The following PLK3 variants were observed in gnomAD, a reference collection of about 807,000 sequenced individuals.
PLK3 encodes serine/threonine-protein kinase PLK3.
In PLK3, 41 loss-of-function variants were observed where a neutral mutation model predicts 71.6. The ratio of observed to expected loss-of-function variants is 0.57; its 90% CI spans 0.45 to 0.74. The LOEUF (loss-of-function observed/expected upper bound fraction) is 0.74, where lower values mean the gene tolerates loss of function less well. Ranked by LOEUF, PLK3 falls within the 30% of genes least tolerant of loss-of-function variation. The pLI is 0.00. For missense variants in PLK3, 791 were observed against 875.6 expected, an observed-to-expected ratio of 0.90 and a Z score of 1.22; for synonymous variants, 366 against 355.4, an observed-to-expected ratio of 1.03 and a Z score of -0.33.
Position 44,800,834 on chromosome 1 carries a change from T to C in PLK3, c.211-6T>C. ...GAACAACCAGCCTGATGCCCCCTCT[T>C]CACAGGGGGGCTTCGCCCGCTGCTA... On this transcript the variant is annotated splice_polypyrimidine_tract_variant and splice_region_variant and intron_variant, in intron 1 of 14. Transcript: ENST00000372201. The surrounding 1 kb of genome is among the most constrained non-coding windows in gnomAD (Gnocchi z 6.5). 6.2e-7 allele frequency: 1 copy of C among 1,607,038 alleles called. No individual in the cohort carries two copies.
At position 44,801,095 on chromosome 1, in the gene PLK3, G is replaced by A. The variant is rs1381521769; in HGVS notation, c.378G>A (p.Ser126=). 5.0e-6 allele frequency: 8 copies of A among 1,613,416 alleles called. No individual in the cohort carries two copies. The highest frequency in any genetic ancestry group is 1.7e-5 in the Admixed American group (1 of 59,940). ...DLQHRHIVRF[S]HHFEDADNIY... is the part of the protein sequence containing the mutation. ...AGCACCGCCACATCGTGCGTTTTTC[G>A]CACCACTTTGAGGACGCTGACAACA... The change falls in exon 3 of 15, where the codon TCG becomes TCA. Residue 126 remains serine (S), a synonymous_variant. Transcript: ENST00000372201.
In PLK3 at chr1:44,803,727, AC is replaced by A; in HGVS notation, c.1164+41del. ...CAGGTGGACACTGTTCCCCTGACTC[AC>A]CCCCACCCTAGCAGCTGAGGGAAGC... On this transcript the variant is annotated intron_variant, in intron 9 of 14. Transcript: ENST00000372201. This position sits in a 1 kb window ranked among gnomAD's most constrained non-coding sequence, Gnocchi z 4.3. 2.0e-6 allele frequency: 3 copies of A among 1,487,780 alleles called. No individual in the cohort carries two copies. The highest frequency in any genetic ancestry group is 2.8e-6 in the Non-Finnish European group (3 of 1,073,180). The allele number at this position is 1,487,780 out of a possible 1,614,324, so 92.2% of individuals were successfully genotyped here. A position where few individuals can be genotyped will look rare whatever the true frequency, so the allele number is the denominator to read the frequency against.
At position 44,802,970 on chromosome 1, in the gene PLK3, CG is replaced by C; in HGVS notation, c.768del (p.Ser257AlafsTer9). 6.2e-7 allele frequency: 1 copy of C among 1,614,012 alleles called. No individual in the cohort carries two copies. The highest frequency in any genetic ancestry group is 8.5e-7 in the Non-Finnish European group (1 of 1,179,930). On this transcript the variant is annotated frameshift_variant, in exon 7 of 15. Transcript: ENST00000372201. LOFTEE classifies it high-confidence loss of function. ...TGCCCTATAGGTACACGCTGCTCTGCGGGAGCCCTCCCTTTGAGACGGCTGA... is the reference window on the plus strand; with the variant it reads ...TGCCCTATAGGTACACGCTGCTCTGCGGAGCCCTCCCTTTGAGACGGCTGA... ...LGCVMYTLLC[G>X]SPPFETADLK...
In PLK3 at chr1:44,804,764, G is replaced by A. The variant is rs746596266; in HGVS notation, c.1620G>A (p.Glu540=). The A allele has an allele frequency of 3.1e-6, 5 of 1,614,048 alleles. No homozygotes were observed. The East Asian group carries it at 1.1e-4, about 36-fold the overall frequency. ...GILRYFASYM[E]QHLMKGGDLP... is the part of the protein sequence containing the mutation. ...TGCGGTACTTCGCCTCCTACATGGA[G>A]CAGCACCTCATGAAGGTGTGAGGGC... The change falls in exon 13 of 15, where the codon GAG becomes GAA. Residue 540 remains glutamate (E), a synonymous_variant. Coordinates refer to ENST00000372201, the MANE Select transcript of PLK3 (RefSeq NM_004073.4).
Position 44,803,452 on chromosome 1 carries a change from T to C in PLK3, c.1072+61T>C, listed in dbSNP as rs1010604969. 8.1e-6 allele frequency: 13 copies of C among 1,608,602 alleles called. No homozygotes were observed. In the East Asian group the frequency reaches 2.5e-4, roughly 30 times the overall value. ...GCAGTAGAGCGGCTTGTCACATTTG[T>C]CTTGGGTGTGTGAGTGTGGGTGCCT... On this transcript the variant is annotated intron_variant, in intron 8 of 14. Transcript: ENST00000372201. This position sits in a 1 kb window ranked among gnomAD's most constrained non-coding sequence, Gnocchi z 4.3.
chr1:44,804,057 G>C, intron 10 of PLK3, 33 bp downstream of exon 10: 2 of 1,545,138 alleles, frequency 1.3e-6, no homozygotes, highest in Non-Finnish European at 8.9e-7. Flanking sequence ...AGGTGATAGA[G>C]GTTGCTGGAG....
Position 44,803,648 on chromosome 1 carries a change from G to T in PLK3, c.1121G>T (p.Gly374Val). The T allele has an allele frequency of 6.2e-7, 1 of 1,613,992 alleles. No homozygotes were observed. The highest frequency in any genetic ancestry group is 8.5e-7 in the Non-Finnish European group (1 of 1,179,920). The change falls in exon 9 of 15, where the codon GGC becomes GTC. Residue 374 changes from glycine to valine, a missense_variant. Coordinates refer to ENST00000372201, the MANE Select transcript of PLK3 (RefSeq NM_004073.4). The surrounding 1 kb of genome is among the most constrained non-coding windows in gnomAD (Gnocchi z 4.3). ...ERDEVSGLVS[G>V]LMRTSVGHQD... The stretch of plus-strand genomic sequence containing the variant: ...GATGAGGTCTCCGGTTTGGTGAGCG[G>T]CCTCATGCGCACATCCGTTGGCCAT...
rs371226206 is a variant in PLK3, at chr1:44,804,258, G to A, written c.1342+12G>A. On this transcript the variant is annotated intron_variant, in intron 11 of 14. Coordinates refer to ENST00000372201, the MANE Select transcript of PLK3 (RefSeq NM_004073.4). The stretch of plus-strand genomic sequence containing the variant: ...CTTCATGCCCCCAGGTAAGGGTGGG[G>A]TCTGGTACATGCTGCTGTGGTGGGA... 4.0e-5 allele frequency: 64 copies of A among 1,613,346 alleles called. No individual in the cohort carries two copies. The African/African-American group carries it at 8.3e-4, about 21-fold the overall frequency.
chr1:44,805,520 C>T lies in PLK3; in HGVS notation c.1783C>T (p.Leu595Phe), dbSNP rs369647110. The stretch of plus-strand genomic sequence containing the variant: ...CTACGGGGACCACACCAAGCTGATT[C>T]TCAGTGGCTGGGAGCCCCTCCTTGT... ...NFYGDHTKLILSGWEPLLVTF... is the reference protein window; with the variant it reads ...NFYGDHTKLIFSGWEPLLVTF... Residue 595 changes from leucine (L) to phenylalanine (F), a missense_variant, in exon 15 of 15, where the codon CTC (leucine) becomes TTC (phenylalanine). By Grantham distance (22) the Leu-to-Phe change is conservative. Transcript: ENST00000372201. 3.1e-6 allele frequency: 5 copies of T among 1,614,110 alleles called. No homozygotes were observed. The highest frequency in any genetic ancestry group is 4.2e-6 in the Non-Finnish European group (5 of 1,180,034).
intron 3 of PLK3, 51 bp downstream of exon 3, chr1:44,801,203 CTTTTTTTTTTTTT>C (rs34463102): frequency 5.8e-6 from 2 of 344,796 alleles, no homozygotes; most frequent in South Asian, 5.0e-5. Flanking sequence ...AGAAGACAGT[CTTTTTTTTTTTTT>C]TTTTTTTTTT....
chr1:44,804,808 A>G (rs1322089340), intron 13 of PLK3, 29 bp downstream of exon 13: 1 of 1,610,458 alleles, frequency 6.2e-7, no homozygotes, highest in African/African-American at 1.3e-5. Context: ...TGGTACATTG[A>G]AACCTAACCC....
chr1:44,804,199 A>C lies in PLK3; in HGVS notation c.1295A>C (p.Glu432Ala). The stretch of plus-strand genomic sequence containing the variant: ...GGTCTGACTGTGGCCACAGTAGTGG[A>C]GTCAGCCCTTTGTGCTCTGAGAAAT... ...EEGLTVATVV[E>A]SALCALRNCI... The change falls in exon 11 of 15, where the codon GAG (glutamate) becomes GCG (alanine). Residue 432 changes from glutamate (E) to alanine (A), a missense_variant. Glu to Ala is a moderately radical substitution (Grantham distance 107). Transcript: ENST00000372201. 6.2e-7 allele frequency: 1 copy of C among 1,613,992 alleles called. No individual in the cohort carries two copies.
rs1307227604 is a variant in PLK3 at position 44,800,414 on chromosome 1, G to A, written c.-50G>A. The A allele has an allele frequency of 1.1e-5, 14 of 1,266,438 alleles. No homozygotes were observed. In the East Asian group the frequency reaches 3.8e-4, roughly 34 times the overall value. The allele number at this position is 1,266,438 out of a possible 1,614,324, so 78.5% of individuals were successfully genotyped here. A position where few individuals can be genotyped will look rare whatever the true frequency, so the allele number is the denominator to read the frequency against. ...ATCCAGGCAGCGCCACGCGCGGCCG[G>A]GGCCGGGCGGAACCGAGAAGCCGGG... On this transcript the variant is annotated 5_prime_UTR_variant, in exon 1 of 15. Coordinates refer to ENST00000372201, the MANE Select transcript of PLK3 (RefSeq NM_004073.4). The surrounding 1 kb of genome is among the most constrained non-coding windows in gnomAD (Gnocchi z 6.5).
In PLK3 at chr1:44,800,640, C is replaced by A; in HGVS notation, c.177C>A (p.Gly59=). The A allele has an allele frequency of 6.5e-7, 1 of 1,544,864 alleles. No individual in the cohort carries two copies. The highest frequency in any genetic ancestry group is 8.7e-7 in the Non-Finnish European group (1 of 1,148,876). ...GCCTCATCACGGACCCGCGCAGCGGCCGCACCTACCTCAAAGGCCGCTTGT... is the reference window on the plus strand; with the variant it reads ...GCCTCATCACGGACCCGCGCAGCGGACGCACCTACCTCAAAGGCCGCTTGT... ...PGRLITDPRS[G]RTYLKGRLLG... Residue 59 remains glycine (G), a synonymous_variant, in exon 1 of 15, where the codon GGC becomes GGA. Transcript: ENST00000372201. The surrounding 1 kb of genome is among the most constrained non-coding windows in gnomAD (Gnocchi z 6.5).
chr1:44,803,803 G>T lies in PLK3; in HGVS notation c.1164+112G>T, dbSNP rs915974585. The T allele has an allele frequency of 5.3e-6, 6 of 1,126,232 alleles. No individual in the cohort carries two copies. Among genetic ancestry groups the T allele is most frequent in the Non-Finnish European group, 1.3e-6 (1 of 761,430 alleles). 69.8% of individuals were successfully genotyped at this position (1,126,232 alleles called of 1,614,324 possible). On this transcript the variant is annotated intron_variant, in intron 9 of 14. Coordinates refer to ENST00000372201, the MANE Select transcript of PLK3 (RefSeq NM_004073.4). This position sits in a 1 kb window ranked among gnomAD's most constrained non-coding sequence, Gnocchi z 4.3. ...CATCCAGCCTCGTGGTGGCCTAATT[G>T]GCTGTGTGTCACCAGCCTGGCGGGG...
rs1651918768 is a variant in PLK3 at position 44,803,790 on chromosome 1, T to C, written c.1164+99T>C. On this transcript the variant is annotated intron_variant, in intron 9 of 14. Transcript: ENST00000372201. This position sits in a 1 kb window ranked among gnomAD's most constrained non-coding sequence, Gnocchi z 4.3. ...GAGGCTGCTGAAGCATCCAGCCTCG[T>C]GGTGGCCTAATTGGCTGTGTGTCAC... The C allele has an allele frequency of 8.6e-7, 1 of 1,168,822 alleles. No homozygotes were observed. The highest frequency in any genetic ancestry group is 2.0e-5 in the Admixed American group (1 of 50,416). The allele number at this position is 1,168,822 out of a possible 1,614,324, so 72.4% of individuals were successfully genotyped here. A position where few individuals can be genotyped will look rare whatever the true frequency, so the allele number is the denominator to read the frequency against.
chr1:44,805,233 T>C, intron 13 of PLK3, 33 bp from the exon 14 acceptor site: 1 of 1,438,680 alleles, frequency 7.0e-7, no homozygotes, highest in Non-Finnish European at 9.8e-7. Flanking sequence ...TGTCTCACGC[T>C]GGATCAGTGA....
rs1651894545 is a variant in PLK3 at position 44,803,210 on chromosome 1, G to T, written c.948+57G>T. 1.2e-6 allele frequency: 2 copies of T among 1,611,722 alleles called. No homozygotes were observed. Among genetic ancestry groups the T allele is most frequent in the Non-Finnish European group, 1.7e-6 (2 of 1,178,092 alleles). ...TGTGTATTCCCAGGGATTGAAAGGGGGCAGGTGACAGGACCCCTGGAGCCT... is the reference window on the plus strand; with the variant it reads ...TGTGTATTCCCAGGGATTGAAAGGGTGCAGGTGACAGGACCCCTGGAGCCT... On this transcript the variant is annotated intron_variant, in intron 7 of 14. Transcript: ENST00000372201. The surrounding 1 kb of genome is among the most constrained non-coding windows in gnomAD (Gnocchi z 4.3).
chr1:44,800,616 C>A lies in PLK3; in HGVS notation c.153C>A (p.Arg51=). ...GGCTACCGACGTCAGACCCCGGGCG[C>A]CTCATCACGGACCCGCGCAGCGGCC... ...LAGLPTSDPG[R]LITDPRSGRT... Residue 51 remains arginine, a synonymous_variant, in exon 1 of 15, where the codon CGC becomes CGA. Coordinates refer to ENST00000372201, the MANE Select transcript of PLK3 (RefSeq NM_004073.4). The surrounding 1 kb of genome is among the most constrained non-coding windows in gnomAD (Gnocchi z 6.5). 6.5e-7 allele frequency: 1 copy of A among 1,541,070 alleles called. No homozygotes were observed. Among genetic ancestry groups the A allele is most frequent in the Non-Finnish European group, 8.7e-7 (1 of 1,146,754 alleles).
Sources: allele counts gnomAD v4.1 joint callset, GRCh38; gene constraint gnomAD v4.1.1; non-coding constraint Gnocchi (gnomAD v3.1); transcripts MANE v1.5; gene names NCBI Gene and HGNC (gene_info 2026-07-23, HGNC 2026-07-21).